The following PHACTR4 variants were observed in gnomAD, a reference collection of about 807,000 sequenced individuals.
The protein encoded by PHACTR4 is protein phosphatase 1, regulatory subunit 124.
Under a neutral mutation model 72.7 loss-of-function variants are expected in PHACTR4, and 51 were observed. The ratio of observed to expected loss-of-function variants is 0.70; its 90% confidence interval spans 0.56 to 0.89. The LOEUF (loss-of-function observed/expected upper bound fraction) is 0.89, where lower values mean the gene tolerates loss of function less well. Among genes scored for constraint, PHACTR4 ranks in the 40% least tolerant of loss-of-function variants. PHACTR4 has a pLI of 0.00. For synonymous variants in PHACTR4, 255 were observed against 302.5 expected, an observed-to-expected ratio of 0.84 and a Z score of 1.63; for missense variants, 731 against 861.8, an observed-to-expected ratio of 0.85 and a Z score of 1.90.
At chr1:28,449,610 G>A (rs367857571) in intron 2 of PHACTR4, among the ~76,000 whole-genome samples, 2 of 152,048 alleles carry the variant, frequency 1.3e-5, no homozygotes, top group African/African-American at 4.8e-5. Flanking sequence ...CCAGCACTTT[G>A]GGAGGCCAAA....
Position 28,378,377 on chromosome 1 carries a change from G to A in PHACTR4, c.-39+8552G>A, listed in dbSNP as rs368430413. Among the ~76,000 whole-genome samples the A allele has an allele frequency of 2.2e-4, 33 of 150,018 alleles. No homozygotes were observed. The East Asian group carries it at 5.1e-3, about 23-fold the overall frequency. ...AAATTGGCTGCGTGTGGTGGCAAGT[G>A]CCTGTAATCCCAGCTACTCAGGAGG... On this transcript the variant is annotated intron_variant, in intron 1 of 13. Coordinates refer to ENST00000373839, the MANE Select transcript of PHACTR4 (RefSeq NM_001048183.3).
At chr1:28,408,771 G>A (rs2124288558) in intron 2 of PHACTR4, among the ~76,000 whole-genome samples, 1 of 151,250 alleles carries the variant, frequency 6.6e-6, no homozygotes, top group African/African-American at 2.4e-5. Context: ...GACCTCCCGG[G>A]CTCAGGCAAT....
At chr1:28,447,663 C>G (rs1297398441) in intron 2 of PHACTR4, among the ~76,000 whole-genome samples, 12 of 152,004 alleles carry the variant, frequency 7.9e-5, no homozygotes, top group Admixed American at 7.9e-4. Context: ...ATACCCTTAA[C>G]CTGGAATTTT....
intron 1 of PHACTR4, among the ~76,000 whole-genome samples, chr1:28,377,181 A>T (rs890450258): frequency 6.8e-6 from 1 of 147,174 alleles, no homozygotes; most frequent in Non-Finnish European, 1.5e-5. Context: ...CAGGTGATCC[A>T]CCTACCTTGG....
Position 28,491,027 on chromosome 1 carries a change from G to C in PHACTR4, c.1878+15G>C. The C allele has an allele frequency of 5.0e-6, 8 of 1,608,798 alleles. No individual in the cohort carries two copies. The highest frequency in any genetic ancestry group is 6.8e-6 in the Non-Finnish European group (8 of 1,175,364). On this transcript the variant is annotated intron_variant, in intron 11 of 13. Transcript: ENST00000373839. Reference sequence around the variant, plus strand: ...TCACTAGAAAGGTACTACTGCCTGTGTGTTCAGTTAACTATATGTGTTATA... The same window carrying C: ...TCACTAGAAAGGTACTACTGCCTGTCTGTTCAGTTAACTATATGTGTTATA...
At chr1:28,437,674 C>G (rs1656719095) in intron 2 of PHACTR4, among the ~76,000 whole-genome samples, 1 of 152,182 alleles carries the variant, frequency 6.6e-6, no homozygotes, top group Non-Finnish European at 1.5e-5. Flanking sequence ...AGAGAACTCT[C>G]TGGGTCTTTT....
chr1:28,398,403 C>G (rs188364453), intron 1 of PHACTR4, among the ~76,000 whole-genome samples: 4 of 152,086 alleles, frequency 2.6e-5, no homozygotes, highest in African/African-American at 9.6e-5. Context: ...GTCTGTAGTC[C>G]CAGCTACTCA....
At chr1:28,382,448 C>T (rs570444719) in intron 1 of PHACTR4, among the ~76,000 whole-genome samples, 59 of 151,860 alleles carry the variant, frequency 3.9e-4, no homozygotes, top group African/African-American at 1.4e-3. Flanking sequence ...GGACTACAGG[C>T]GCATGCCACC....
intron 1 of PHACTR4, among the ~76,000 whole-genome samples, chr1:28,398,810 C>T (rs1166181233): frequency 2.0e-5 from 3 of 151,860 alleles, no homozygotes; most frequent in Admixed American, 6.6e-5. Flanking sequence ...CAGAGCAAGA[C>T]TCTGTCTCAA....
At chr1:28,492,016 G>A (rs1481259712) in intron 12 of PHACTR4, among the ~76,000 whole-genome samples, 2 of 152,160 alleles carry the variant, frequency 1.3e-5, no homozygotes, top group Non-Finnish European at 2.9e-5. Flanking sequence ...GAAAATCCCT[G>A]CTATCTCACA....
chr1:28,425,245 A>G (rs1557805069), intron 2 of PHACTR4, among the ~76,000 whole-genome samples: 1 of 151,776 alleles, frequency 6.6e-6, no homozygotes, highest in Non-Finnish European at 1.5e-5. Context: ...TAGCCTCCCC[A>G]GTAGCTGGGA....
intron 2 of PHACTR4, among the ~76,000 whole-genome samples, chr1:28,427,982 A>G (rs1473533594): frequency 6.6e-6 from 1 of 152,234 alleles, no homozygotes; most frequent in Non-Finnish European, 1.5e-5. Context: ...TCCATAGTAA[A>G]ACATTTATTT....
At chr1:28,395,453 A>G (rs1172973070) in intron 1 of PHACTR4, among the ~76,000 whole-genome samples, 2 of 152,120 alleles carry the variant, frequency 1.3e-5, no homozygotes, top group African/African-American at 4.8e-5. Flanking sequence ...CTTATCAATA[A>G]GCCACACCTC....
At chr1:28,469,632 A>C (rs371659634) in intron 6 of PHACTR4, among the ~76,000 whole-genome samples, 1 of 152,244 alleles carries the variant, frequency 6.6e-6, no homozygotes, top group Admixed American at 6.5e-5. Context: ...GGAATAGCTA[A>C]CAGCTATTTT....
chr1:28,498,006 A>G lies in PHACTR4; in HGVS notation c.*1457A>G, dbSNP rs992446358. 1 of 152,128 alleles carries G rather than the reference A, an allele frequency of 6.6e-6. No homozygotes were observed. The highest frequency in any genetic ancestry group is 2.4e-5 in the African/African-American group (1 of 41,404). The allele number at this position is 152,128 out of a possible 1,614,324, so 9.4% of individuals were successfully genotyped here. On this transcript the variant is annotated 3_prime_UTR_variant, in exon 14 of 14. Transcript: ENST00000373839. ...GCGAGACTCCGTCTCAAAAAAAAAAAAAAAGCCTTAATATTAATGCTAACG... is the reference window on the plus strand; with the variant it reads ...GCGAGACTCCGTCTCAAAAAAAAAAGAAAAGCCTTAATATTAATGCTAACG...
rs560647843 is a variant in PHACTR4, at chr1:28,426,082, G to A, written c.16+18619G>A. 7.2e-5 allele frequency among the ~76,000 whole-genome samples: 11 copies of A among 152,262 alleles called. No homozygotes were observed. The East Asian group carries it at 1.7e-3, about 24-fold the overall frequency. ...ACTAAAATACAAAAATTAGCCAGGC[G>A]TAGTGGCAGGCGCCTGTAATCTCAG... is the stretch of plus-strand genomic sequence containing the variant. On this transcript the variant is annotated intron_variant, in intron 2 of 13. Transcript: ENST00000373839.
chr1:28,428,963 A>T (rs1016109517), intron 2 of PHACTR4, among the ~76,000 whole-genome samples: 1 of 152,244 alleles, frequency 6.6e-6, no homozygotes, highest in Non-Finnish European at 1.5e-5. Flanking sequence ...ACATAGTTAT[A>T]TGACTGTAAA....
intron 1 of PHACTR4, among the ~76,000 whole-genome samples, chr1:28,391,711 T>A (rs997365880): frequency 1.3e-4 from 20 of 150,208 alleles, no homozygotes; most frequent in Non-Finnish European, 2.4e-4. Context: ...GTTCAAGCGA[T>A]TCTCCTGCCT....
intron 1 of PHACTR4, among the ~76,000 whole-genome samples, chr1:28,380,346 G>A (rs917005084): frequency 2.0e-5 from 3 of 152,064 alleles, no homozygotes; most frequent in Admixed American, 6.6e-5. Context: ...GTGAGCCACC[G>A]CGCCCGGCCT....
Sources: gnomAD v4.1 joint callset for allele counts (sites outside exome capture counted in the v4.1 genomes callset) on GRCh38, gnomAD v4.1.1 for gene constraint, MANE v1.5 for transcripts, NCBI Gene and HGNC (gene_info 2026-07-23, HGNC 2026-07-21) for gene names.